Variants in SCARA5 observed in about 807,000 individuals in gnomAD.
SCARA5 encodes the protein scavenger receptor class A, member 5 (putative).
In SCARA5, 45 loss-of-function variants were observed where a neutral mutation model predicts 46.3. The observed-to-expected ratio is 0.97, with a 90% confidence interval of 0.76 to 1.24. The LOEUF (loss-of-function observed/expected upper bound fraction) is 1.24. Ranked by LOEUF, SCARA5 falls within the 50% of genes most tolerant of loss-of-function variation. The probability of loss-of-function intolerance (pLI) is 0.00; values close to 1 mark genes in which losing one functional copy is unlikely to be tolerated. For synonymous variants in SCARA5, 333 were observed against 306.5 expected (o/e 1.09, Z -0.90); for missense variants, 680 against 689.0 (o/e 0.99, Z 0.15).
chr8:27,912,799 C>T (rs561369881), intron 4 of SCARA5, among the ~76,000 whole-genome samples: 3 of 152,336 alleles, frequency 2.0e-5, no homozygotes, highest in East Asian at 1.9e-4. Flanking sequence ...GAGTCACTCT[C>T]GCCAAGGGAG....
At chr8:27,883,045 A>G (rs1012205407) in intron 7 of SCARA5, among the ~76,000 whole-genome samples, 1 of 152,248 alleles carries the variant, frequency 6.6e-6, no homozygotes, top group Non-Finnish European at 1.5e-5. Flanking sequence ...ATCCTGGCCC[A>G]TGGAAACATC....
intron 7 of SCARA5, among the ~76,000 whole-genome samples, chr8:27,894,487 TCTGGGAAGCAC>T (rs1807030822): frequency 6.6e-6 from 1 of 152,204 alleles, no homozygotes; most frequent in African/African-American, 2.4e-5. Context: ...CTTGACTGTA[TCTGGGAAGCAC>T]CTGGGAAGCT....
At chr8:27,918,559 G>A (rs528619155) in intron 4 of SCARA5, among the ~76,000 whole-genome samples, 1 of 150,410 alleles carries the variant, frequency 6.6e-6, no homozygotes, top group Non-Finnish European at 1.5e-5. Context: ...AAAAGGAGGA[G>A]AAAAAGAAGG....
chr8:27,940,772 A>ATCCAACCATCTGTCCATCCATCCATCCC (rs1370715068), intron 3 of SCARA5, among the ~76,000 whole-genome samples: 1 of 132,494 alleles, frequency 7.5e-6, no homozygotes, highest in Non-Finnish European at 1.6e-5. Context: ...CCATCCATCC[A>ATCCAACCATCTGTCCATCCATCCATCCC]TCCATCCATC....
chr8:27,899,717 T>C (rs1807120463), intron 7 of SCARA5, among the ~76,000 whole-genome samples: 1 of 152,232 alleles, frequency 6.6e-6, no homozygotes, highest in Non-Finnish European at 1.5e-5. Flanking sequence ...GTCTCTTACA[T>C]CCCAAACCCT....
intron 4 of SCARA5, among the ~76,000 whole-genome samples, chr8:27,917,976 G>A (rs1807489713): frequency 6.6e-6 from 1 of 152,194 alleles, no homozygotes. Flanking sequence ...GGAAGCCTCT[G>A]ATCGTCCAGT....
intron 7 of SCARA5, among the ~76,000 whole-genome samples, chr8:27,883,114 A>G (rs1025839214): frequency 2.0e-5 from 3 of 152,230 alleles, no homozygotes; most frequent in African/African-American, 7.2e-5. Flanking sequence ...ATTGATCTCT[A>G]AACTCAGTGC....
chr8:27,921,926 C>A lies in SCARA5; in HGVS notation c.561G>T (p.Gln187His). The A allele has an allele frequency of 6.5e-7, 1 of 1,533,412 alleles. No homozygotes were observed. The highest frequency in any genetic ancestry group is 8.7e-7 in the Non-Finnish European group (1 of 1,148,590). The allele number at this position is 1,533,412 out of a possible 1,614,324, so 95.0% of individuals were successfully genotyped here. ...QSDTAQLELY[Q>H]LQVESNSSQL... ...GGCTACTGTTGCTCTCCACCTGCAG[C>A]TGGTAGAGCTCCAGCTGCGCCGTGT... Residue 187 changes from glutamine (Q) to histidine (H), a missense_variant, in exon 4 of 9, where the codon CAG becomes CAT. By Grantham distance (24) the Gln-to-His change is conservative. Around this residue, in one of 3 missense-constraint regions of SCARA5, gnomAD observed 438 missense variants for 384.5 expected, o/e 1.14. Transcript: ENST00000354914.
rs377084396 is a variant in SCARA5 at position 27,966,541 on chromosome 8, A to T, written c.114T>A (p.Gly38=). The T allele has an allele frequency of 1.9e-4, 308 of 1,608,058 alleles. No individual in the cohort carries two copies. The highest frequency in any genetic ancestry group is 2.4e-4 in the Non-Finnish European group (280 of 1,178,362). ...TGCTTGCCCGCCGTTTGTGACATGG[A>T]CCTGGACAATAAGGGTAAGAGGAGG... The part of the protein sequence containing the change: ...SLSKLNLCED[G]PCHKRRASIC... The change falls in exon 3 of 9, where the codon GGT becomes GGA. Residue 38 remains glycine (G), a splice_region_variant and synonymous_variant. Transcript: ENST00000354914.
chr8:27,900,148 A>AC (rs202091231), intron 7 of SCARA5, among the ~76,000 whole-genome samples: 3 of 151,558 alleles, frequency 2.0e-5, no homozygotes, highest in South Asian at 2.1e-4. Flanking sequence ...AAAAAAAAAA[A>AC]CCAAAAAAAC....
At chr8:27,920,560 G>C (rs1005174866) in intron 4 of SCARA5, among the ~76,000 whole-genome samples, 4 of 149,766 alleles carry the variant, frequency 2.7e-5, no homozygotes, top group South Asian at 2.1e-4. Flanking sequence ...GTTGCAGTGA[G>C]GGAGATCATG....
At chr8:27,889,416 A>G (rs1199924785) in intron 7 of SCARA5, among the ~76,000 whole-genome samples, 1 of 152,214 alleles carries the variant, frequency 6.6e-6, no homozygotes, top group East Asian at 1.9e-4. Flanking sequence ...GACACAGTCC[A>G]CACTCTTTGC....
intron 8 of SCARA5, among the ~76,000 whole-genome samples, chr8:27,874,569 T>C (rs1462677158): frequency 6.6e-6 from 1 of 152,254 alleles, no homozygotes; most frequent in Non-Finnish European, 1.5e-5. Flanking sequence ...ACTGAGTAGC[T>C]GTGACAGAGA....
chr8:27,967,471 T>C (rs549722713), intron 2 of SCARA5, among the ~76,000 whole-genome samples: 6 of 151,798 alleles, frequency 4.0e-5, no homozygotes, highest in South Asian at 4.2e-4. Flanking sequence ...GAAGGGATCC[T>C]CTCCCTGATG....
intron 2 of SCARA5, among the ~76,000 whole-genome samples, chr8:27,980,679 T>C (rs1292889888): frequency 6.6e-6 from 1 of 152,200 alleles, no homozygotes; most frequent in Non-Finnish European, 1.5e-5. Context: ...CCTTGGCTCT[T>C]CTGGTAGCAA....
intron 7 of SCARA5, chr8:27,904,550 C>T (rs1807219327): frequency 1.7e-6 from 1 of 602,388 alleles, no homozygotes. Context: ...GATCCATGCA[C>T]ACAACCGCCA....
At chr8:27,895,818 T>C (rs939027677) in intron 7 of SCARA5, among the ~76,000 whole-genome samples, 4 of 152,150 alleles carry the variant, frequency 2.6e-5, no homozygotes, top group Non-Finnish European at 4.4e-5. Flanking sequence ...AACTGTGACT[T>C]CCCCTCTTTG....
chr8:27,893,544 G>A lies in SCARA5; in HGVS notation c.1153+11234C>T, dbSNP rs78658427. Among the ~76,000 whole-genome samples, 1,245 of 152,228 alleles carry A rather than the reference G, an allele frequency of 8.2e-3. 22 individuals carry two copies. Among genetic ancestry groups the A allele is most frequent in the African/African-American group, 0.029 (1,193 of 41,520 alleles). ...GAACCCTGGAGCTGGAAGGGGTCTC[G>A]GACATTGGCCTTGAACCCCTCCCCT... On this transcript the variant is annotated intron_variant, in intron 7 of 8. Transcript: ENST00000354914.
chr8:27,927,976 A>G (rs1044651769), intron 3 of SCARA5, among the ~76,000 whole-genome samples: 44 of 152,210 alleles, frequency 2.9e-4, no homozygotes, highest in African/African-American at 1.0e-3. Flanking sequence ...GCATCAGCTC[A>G]TAGGAATAAG....
Sources: allele counts gnomAD v4.1 joint callset (sites outside exome capture counted in the v4.1 genomes callset), GRCh38; gene constraint gnomAD v4.1.1; regional missense constraint gnomAD v4.1.1; transcripts MANE v1.5; gene names NCBI Gene and HGNC (gene_info 2026-07-23, HGNC 2026-07-21).